The following TDRP variants were observed in gnomAD, a reference collection of about 807,000 sequenced individuals.
TDRP encodes the protein testis development-related protein.
A neutral mutation model predicts 10.5 loss-of-function variants in TDRP; 12 were observed. That is an observed-to-expected ratio of 1.15 (90% CI 0.73 to 1.86). TDRP has a LOEUF of 1.86. Among genes scored for constraint, TDRP ranks in the 40% most tolerant of loss-of-function variants. TDRP has a pLI of 0.00. For synonymous variants in TDRP, 139 were observed against 95.4 expected (o/e 1.46, Z -2.67); for missense variants, 353 against 229.2 (o/e 1.54, Z -3.49).
chr8:538,626 G>C (rs1390515613), intron 1 of TDRP, among the ~76,000 whole-genome samples: 1 of 151,472 alleles, frequency 6.6e-6, no homozygotes, highest in Non-Finnish European at 1.5e-5. Flanking sequence ...CAGAAACCAA[G>C]TCCAAATCTA....
At chr8:517,275 TCA>T (rs2116807460) in intron 1 of TDRP, among the ~76,000 whole-genome samples, 1 of 152,278 alleles carries the variant, frequency 6.6e-6, no homozygotes, top group African/African-American at 2.4e-5. Context: ...AAAATATATT[TCA>T]CATATTTTGG....
intron 1 of TDRP, among the ~76,000 whole-genome samples, chr8:536,932 GCTGACTGAGTAT>G (rs1802361979): frequency 6.6e-6 from 1 of 152,124 alleles, no homozygotes; most frequent in Non-Finnish European, 1.5e-5. Context: ...AAGTGCTTCT[GCTGACTGAGTAT>G]CTGACTCAGC....
intron 1 of TDRP, among the ~76,000 whole-genome samples, chr8:519,013 C>A (rs1357497668): frequency 6.6e-6 from 1 of 152,134 alleles, no homozygotes; most frequent in Non-Finnish European, 1.5e-5. Context: ...AATGCCAACA[C>A]CTTGATTTCA....
intron 1 of TDRP, among the ~76,000 whole-genome samples, chr8:514,852 T>C (rs1046283640): frequency 4.6e-5 from 7 of 152,126 alleles, no homozygotes; most frequent in African/African-American, 1.7e-4. Flanking sequence ...CTCCAAGGAA[T>C]GGCACCAACA....
At chr8:521,333 C>A (rs142073156) in intron 1 of TDRP, among the ~76,000 whole-genome samples, 7,646 of 151,328 alleles carry the variant, frequency 0.051, 197 homozygotes, top group African/African-American at 0.071. Flanking sequence ...AGGAGAATGG[C>A]GTGAACCCGG....
chr8:491,583 T>A lies in TDRP; in HGVS notation c.*816A>T. On this transcript the variant is annotated 3_prime_UTR_variant, in exon 3 of 3. Transcript: ENST00000324079. ...AAAAAAGAGGCACTTCAGTATTTTA[T>A]GCACAGTCTTAACTCTCTATAATGA... 1 of 1,503,564 alleles carries A rather than the reference T, an allele frequency of 6.7e-7. No individual in the cohort carries two copies. The highest frequency in any genetic ancestry group is 8.8e-7 in the Non-Finnish European group (1 of 1,135,746). The allele number at this position is 1,503,564 out of a possible 1,614,324, so 93.1% of individuals were successfully genotyped here. A position where few individuals can be genotyped will look rare whatever the true frequency, so the allele number is the denominator to read the frequency against.
rs181351463 is a variant in TDRP, at chr8:542,496, G to C, written c.108+2154C>G. Among the ~76,000 whole-genome samples, 229 of 152,172 alleles carry C rather than the reference G, an allele frequency of 1.5e-3. 1 individual carries two copies. The highest frequency in any genetic ancestry group is 5.1e-3 in the African/African-American group (213 of 41,518). On this transcript the variant is annotated intron_variant, in intron 1 of 2. Coordinates refer to ENST00000324079, the MANE Select transcript of TDRP (RefSeq NM_001384899.1). Reference sequence around the variant, plus strand: ...TGTACTTTCTCCTCAAATTTGCTGGGCACCTAAAACTGGATACCTGAAAAA... The same window carrying C: ...TGTACTTTCTCCTCAAATTTGCTGGCCACCTAAAACTGGATACCTGAAAAA...
At chr8:521,121 G>A (rs1472670342) in intron 1 of TDRP, among the ~76,000 whole-genome samples, 3 of 151,818 alleles carry the variant, frequency 2.0e-5, no homozygotes, top group Non-Finnish European at 4.4e-5. Flanking sequence ...ATCCAACTTT[G>A]GCAGGGAGCA....
Position 492,499 on chromosome 8 carries a change from G to A in TDRP, c.458C>T (p.Ala153Val). Residue 153 changes from alanine to valine, a missense_variant, in exon 3 of 3, where the codon GCC becomes GTC. Ala to Val is a moderately conservative substitution (Grantham distance 64). Transcript: ENST00000324079. The part of the protein sequence containing the change: ...STKYTSLASS[A>V]NSSRWSLRAA... ...GCGCAGGCTCCACCTGGAGCTGTTG[G>A]CAGAGCTGGCCAGGCTGGTGTACTT... 1 of 1,610,554 alleles carries A rather than the reference G, an allele frequency of 6.2e-7. No individual in the cohort carries two copies. The highest frequency in any genetic ancestry group is 8.5e-7 in the Non-Finnish European group (1 of 1,178,036).
chr8:542,857 CA>C lies in TDRP; in HGVS notation c.108+1792del, dbSNP rs34967419. On this transcript the variant is annotated intron_variant, in intron 1 of 2. Coordinates refer to ENST00000324079, the MANE Select transcript of TDRP (RefSeq NM_001384899.1). ...GGGCGACAAGAGCGAAACTTCATCT[CA>C]AAAAAAAAAAAAAAAAAGTATAGAT... 8.1e-3 allele frequency among the ~76,000 whole-genome samples: 854 copies of C among 105,750 alleles called. 3 individuals are homozygous for C. The highest frequency in any genetic ancestry group is 0.028 in the African/African-American group (691 of 24,554). 69.4% of individuals were successfully genotyped at this position (105,750 alleles called of 152,430 possible).
At chr8:543,927 A>AGG (rs1196311229) in intron 1 of TDRP, among the ~76,000 whole-genome samples, 2 of 11,376 alleles carry the variant, frequency 1.8e-4, no homozygotes, top group African/African-American at 4.7e-4. Flanking sequence ...GGAAAAAGGG[A>AGG]GGGGGGGGGA....
chr8:514,339 A>G (rs1801696249), intron 1 of TDRP, among the ~76,000 whole-genome samples: 1 of 152,224 alleles, frequency 6.6e-6, no homozygotes, highest in Middle Eastern at 3.2e-3. Flanking sequence ...AAGAGTGCCA[A>G]GACAATTCAA....
intron 1 of TDRP, among the ~76,000 whole-genome samples, chr8:495,400 A>C (rs1295674635): frequency 1.3e-5 from 2 of 152,178 alleles, no homozygotes; most frequent in Non-Finnish European, 2.9e-5. Flanking sequence ...CCTTGCCCTA[A>C]CTTCTACAAG....
chr8:532,146 G>C (rs1287626085), intron 1 of TDRP, among the ~76,000 whole-genome samples: 1 of 152,226 alleles, frequency 6.6e-6, no homozygotes, highest in Non-Finnish European at 1.5e-5. Context: ...TAGGGTGAAA[G>C]AGAGTGCACC....
At chr8:511,038 T>C (rs557984513) in intron 1 of TDRP, among the ~76,000 whole-genome samples, 2 of 152,144 alleles carry the variant, frequency 1.3e-5, no homozygotes, top group East Asian at 3.9e-4. Flanking sequence ...AATTTAAAAA[T>C]ATACACAATG....
In TDRP at chr8:490,815, T is replaced by C. The variant is rs1800949091; in HGVS notation, c.*1584A>G. ...AAGGTTCTAATACAAGCTGGAATTT[T>C]TGTTTGAACACCAATTGAAACATGT... On this transcript the variant is annotated 3_prime_UTR_variant, in exon 3 of 3. Transcript: ENST00000324079. 1 of 152,236 alleles carries C rather than the reference T, an allele frequency of 6.6e-6. No homozygotes were observed. Among genetic ancestry groups the C allele is most frequent in the Middle Eastern group, 3.2e-3 (1 of 316 alleles). The allele number at this position is 152,236 out of a possible 1,614,324, so 9.4% of individuals were successfully genotyped here. A position where few individuals can be genotyped will look rare whatever the true frequency, so the allele number is the denominator to read the frequency against.
intron 1 of TDRP, among the ~76,000 whole-genome samples, chr8:533,120 G>T (rs749001161): frequency 3.3e-5 from 5 of 152,186 alleles, no homozygotes; most frequent in Non-Finnish European, 7.3e-5. Flanking sequence ...GTCTCCCCTT[G>T]TTCTTCCTGG....
chr8:533,313 T>A (rs777080068), intron 1 of TDRP, among the ~76,000 whole-genome samples: 3 of 152,198 alleles, frequency 2.0e-5, no homozygotes, highest in Non-Finnish European at 4.4e-5. Flanking sequence ...CGCAGCCTCA[T>A]TGGGCTGCTC....
chr8:523,654 C>G (rs1801962587), intron 1 of TDRP, among the ~76,000 whole-genome samples: 1 of 152,198 alleles, frequency 6.6e-6, no homozygotes, highest in African/African-American at 2.4e-5. Flanking sequence ...CGGCAATAGC[C>G]TGGCAATACT....
Sources: gnomAD v4.1 joint callset for allele counts (sites outside exome capture counted in the v4.1 genomes callset) on GRCh38, gnomAD v4.1.1 for gene constraint, MANE v1.5 for transcripts, NCBI Gene and HGNC (gene_info 2026-07-23, HGNC 2026-07-21) for gene names.